The following CNTNAP5 variants were observed in gnomAD, a reference collection of about 807,000 sequenced individuals.
The protein encoded by CNTNAP5 is contactin-associated protein-like 5.
A neutral mutation model predicts 150.2 loss-of-function variants in CNTNAP5; 72 were observed. The ratio of observed to expected loss-of-function variants is 0.48; its 90% CI spans 0.40 to 0.58. The LOEUF (loss-of-function observed/expected upper bound fraction) is 0.58. Ranked by LOEUF, CNTNAP5 falls within the 20% of genes least tolerant of loss-of-function variation. CNTNAP5 has a pLI of 0.00. For missense variants in CNTNAP5, 1,636 were observed against 1,626.2 expected (o/e 1.01, Z -0.10); for synonymous variants, 672 against 619.8 (o/e 1.08, Z -1.25).
At chr2:124,123,176 C>T (rs1046606815) in intron 1 of CNTNAP5, among the ~76,000 whole-genome samples, 3 of 152,024 alleles carry the variant, frequency 2.0e-5, no homozygotes, top group Non-Finnish European at 4.4e-5. Context: ...ACAGACAGTA[C>T]CTGGAAAATC....
At chr2:124,204,033 C>T (rs1272654749) in intron 1 of CNTNAP5, among the ~76,000 whole-genome samples, 2 of 152,192 alleles carry the variant, frequency 1.3e-5, no homozygotes, top group Admixed American at 1.3e-4. Context: ...CTTTTATGCT[C>T]TGCTTCCCTC....
intron 19 of CNTNAP5, among the ~76,000 whole-genome samples, chr2:124,849,237 T>C (rs976675508): frequency 1.3e-5 from 2 of 152,186 alleles, no homozygotes; most frequent in Non-Finnish European, 1.5e-5. Flanking sequence ...GGTTGTCCTT[T>C]TTTACATTGT....
At chr2:124,304,611 A>C (rs1688635989) in intron 3 of CNTNAP5, among the ~76,000 whole-genome samples, 1 of 152,150 alleles carries the variant, frequency 6.6e-6, no homozygotes, top group South Asian at 2.1e-4. Flanking sequence ...AAAAAATAAC[A>C]TTCTGGCTAC....
chr2:124,596,047 T>G (rs1573484157), intron 11 of CNTNAP5, among the ~76,000 whole-genome samples: 1 of 124,788 alleles, frequency 8.0e-6, no homozygotes, highest in African/African-American at 3.1e-5. Flanking sequence ...TTATTAGTCT[T>G]GCTAGCAGTC....
At chr2:124,825,004 A>G (rs767090299) in intron 19 of CNTNAP5, among the ~76,000 whole-genome samples, 1 of 152,216 alleles carries the variant, frequency 6.6e-6, no homozygotes, top group Non-Finnish European at 1.5e-5. Context: ...TTCTATTCAT[A>G]TTACAAATAT....
At chr2:124,820,183 G>GT (rs1335147364) in intron 19 of CNTNAP5, among the ~76,000 whole-genome samples, 2 of 152,068 alleles carry the variant, frequency 1.3e-5, no homozygotes, top group South Asian at 2.1e-4. Context: ...CCTTTAGTCT[G>GT]TTTTTTTGTT....
chr2:124,301,171 T>C (rs1204289660), intron 3 of CNTNAP5, among the ~76,000 whole-genome samples: 1 of 152,214 alleles, frequency 6.6e-6, no homozygotes, highest in Non-Finnish European at 1.5e-5. Context: ...GCTTTCATGA[T>C]GGATTATATA....
intron 3 of CNTNAP5, among the ~76,000 whole-genome samples, chr2:124,305,283 A>C (rs962619658): frequency 3.3e-5 from 5 of 151,990 alleles, no homozygotes; most frequent in African/African-American, 1.2e-4. Context: ...AAAACAGACA[A>C]ACAAAAAAGG....
At chr2:124,277,852 G>T (rs1469360937) in intron 3 of CNTNAP5, among the ~76,000 whole-genome samples, 1 of 152,104 alleles carries the variant, frequency 6.6e-6, no homozygotes, top group Admixed American at 6.6e-5. Flanking sequence ...TGCAGTCAGG[G>T]TCCATGCATT....
At chr2:124,498,199 T>C (rs1314788284) in intron 7 of CNTNAP5, among the ~76,000 whole-genome samples, 3 of 152,172 alleles carry the variant, frequency 2.0e-5, no homozygotes, top group Non-Finnish European at 4.4e-5. Context: ...GCTTAGAAAC[T>C]TCATTCTCTC....
chr2:124,858,978 C>A (rs1677446772), intron 19 of CNTNAP5, among the ~76,000 whole-genome samples: 2 of 151,988 alleles, frequency 1.3e-5, no homozygotes, highest in Non-Finnish European at 2.9e-5. Context: ...GAGGCAATAC[C>A]ATTCAGGACA....
chr2:124,658,011 G>T (rs533089603), intron 13 of CNTNAP5, among the ~76,000 whole-genome samples: 2 of 152,188 alleles, frequency 1.3e-5, no homozygotes, highest in Non-Finnish European at 2.9e-5. Flanking sequence ...TGTAAGAGGG[G>T]CCTTCTTTGT....
chr2:124,569,652 T>C (rs1366081967), intron 11 of CNTNAP5, among the ~76,000 whole-genome samples: 1 of 152,234 alleles, frequency 6.6e-6, no homozygotes, highest in Non-Finnish European at 1.5e-5. Flanking sequence ...TCACCATTTC[T>C]CAGCCTTTGC....
At chr2:124,350,495 C>T (rs1347632587) in intron 3 of CNTNAP5, among the ~76,000 whole-genome samples, 12 of 150,648 alleles carry the variant, frequency 8.0e-5, no homozygotes, top group African/African-American at 1.9e-4. Context: ...TCAGTTCTTA[C>T]GCCTTCACAT....
At chr2:124,055,414 T>G (rs1250368004) in intron 1 of CNTNAP5, among the ~76,000 whole-genome samples, 1 of 152,152 alleles carries the variant, frequency 6.6e-6, no homozygotes, top group African/African-American at 2.4e-5. Context: ...TTTTTTATGT[T>G]CTCTGGTTAC....
intron 19 of CNTNAP5, among the ~76,000 whole-genome samples, chr2:124,801,878 A>C (rs533895003): frequency 1.3e-5 from 2 of 152,298 alleles, no homozygotes; most frequent in East Asian, 1.9e-4. Flanking sequence ...GGTTTATTAG[A>C]GGTTGCAAAA....
At chr2:124,592,986 A>G (rs1361988063) in intron 11 of CNTNAP5, among the ~76,000 whole-genome samples, 2 of 151,396 alleles carry the variant, frequency 1.3e-5, no homozygotes, top group Admixed American at 6.6e-5. Context: ...AAATTTATCT[A>G]TATTTTTGTT....
At chr2:124,508,584 G>A (rs1286988505) in intron 8 of CNTNAP5, among the ~76,000 whole-genome samples, 1 of 152,162 alleles carries the variant, frequency 6.6e-6, no homozygotes, top group African/African-American at 2.4e-5. Flanking sequence ...GACTGAAAGA[G>A]AGCCTGGTAA....
chr2:124,234,116 A>AT (rs1289281409), intron 2 of CNTNAP5, among the ~76,000 whole-genome samples: 2 of 151,930 alleles, frequency 1.3e-5, no homozygotes, highest in East Asian at 3.9e-4. Context: ...TGGGAGAGTA[A>AT]TTTTTTTCCA....
Sources: allele counts gnomAD v4.1 joint callset (sites outside exome capture counted in the v4.1 genomes callset), GRCh38; gene constraint gnomAD v4.1.1; transcripts MANE v1.5; gene names NCBI Gene and HGNC (gene_info 2026-07-23, HGNC 2026-07-21).